Variants in LMOD1 observed in about 807,000 individuals in gnomAD.
LMOD1 encodes leiomodin-1.
In LMOD1, 8 loss-of-function variants were observed where a neutral mutation model predicts 36.5. That is an observed-to-expected ratio of 0.22 (90% CI 0.13 to 0.40). The LOEUF (loss-of-function observed/expected upper bound fraction) is 0.40. LMOD1 is among the 10% of genes least tolerant of loss of function. LMOD1 has a pLI of 1.00. For synonymous variants in LMOD1, 284 were observed against 288.7 expected (o/e 0.98, Z 0.17); for missense variants, 630 against 751.1 (o/e 0.84, Z 1.88).
At chr1:201,911,310 T>A (rs1464175917) in intron 1 of LMOD1, among the ~76,000 whole-genome samples, 3 of 152,192 alleles carry the variant, frequency 2.0e-5, no homozygotes, top group African/African-American at 7.2e-5. Flanking sequence ...AAGGTCCAGA[T>A]GGCTTTTGCT....
chr1:201,916,177 C>T (rs894097904), intron 1 of LMOD1, among the ~76,000 whole-genome samples: 14 of 152,022 alleles, frequency 9.2e-5, no homozygotes, highest in South Asian at 6.2e-4. Context: ...CTTGGCCTCT[C>T]GGAGTGCTGA....
At chr1:201,911,589 C>T (rs57504715) in intron 1 of LMOD1, among the ~76,000 whole-genome samples, 3,871 of 152,194 alleles carry the variant, frequency 0.025, 140 homozygotes, top group African/African-American at 0.088. Flanking sequence ...CCCTTGAACC[C>T]GGGAGGTGAA....
intron 1 of LMOD1, among the ~76,000 whole-genome samples, chr1:201,901,165 G>T (rs951522053): frequency 2.0e-5 from 3 of 152,056 alleles, no homozygotes; most frequent in Admixed American, 1.3e-4. Context: ...TTAAAATTTT[G>T]CATTGGTGTT....
Position 201,935,082 on chromosome 1 carries a change from T to C in LMOD1, c.261+10998A>G, listed in dbSNP as rs1323979673. 3.9e-5 allele frequency among the ~76,000 whole-genome samples: 6 copies of C among 152,092 alleles called. No homozygotes were observed. In the East Asian group the frequency reaches 5.8e-4, roughly 15 times the overall value. On this transcript the variant is annotated intron_variant, in intron 1 of 2. Transcript: ENST00000367288. ...TTCCCACTGAGCCCCAGACTTTGAG[T>C]AGGGGAGAGATGTGATCTAATTTAT...
At chr1:201,910,600 C>G (rs1443862964) in intron 1 of LMOD1, among the ~76,000 whole-genome samples, 1 of 150,638 alleles carries the variant, frequency 6.6e-6, no homozygotes, top group Non-Finnish European at 1.5e-5. Context: ...CTTTTATCAT[C>G]ATGGTCTTAA....
At chr1:201,923,534 A>C (rs909345057) in intron 1 of LMOD1, among the ~76,000 whole-genome samples, 2 of 152,102 alleles carry the variant, frequency 1.3e-5, no homozygotes, top group African/African-American at 2.4e-5. Flanking sequence ...CAGCCTGGAC[A>C]ACATAGTGAG....
rs1190908688 is a variant in LMOD1 at position 201,910,973 on chromosome 1, C to A, written c.262-10222G>T. Among the ~76,000 whole-genome samples the A allele has an allele frequency of 3.9e-5, 6 of 152,116 alleles. No individual in the cohort carries two copies. The East Asian group carries it at 1.2e-3, about 30-fold the overall frequency. ...AAGTGGGAGGACTGGAGTTCACACT[C>A]AGATCTCTTGGGTTATAGCACATAT... On this transcript the variant is annotated intron_variant, in intron 1 of 2. Transcript: ENST00000367288.
chr1:201,944,733 G>C (rs1022956549), intron 1 of LMOD1, among the ~76,000 whole-genome samples: 3 of 2,422 alleles, frequency 1.2e-3, no homozygotes, highest in Non-Finnish European at 3.8e-3. Context: ...GTGGTGGGGC[G>C]GGGGGGGGCG....
intron 1 of LMOD1, among the ~76,000 whole-genome samples, chr1:201,903,754 G>A (rs1558235347): frequency 6.6e-6 from 1 of 151,990 alleles, no homozygotes; most frequent in Non-Finnish European, 1.5e-5. Flanking sequence ...GGCCTCCAGG[G>A]CAAAGACTCC....
At chr1:201,916,762 A>C (rs926497304) in intron 1 of LMOD1, among the ~76,000 whole-genome samples, 1 of 152,114 alleles carries the variant, frequency 6.6e-6, no homozygotes, top group Non-Finnish European at 1.5e-5. Context: ...TCGCAGCCTG[A>C]CCTTCGCCTG....
chr1:201,899,120 T>C lies in LMOD1; in HGVS notation c.1776+117A>G. Reference sequence around the variant, plus strand: ...TGAAGTCCCCTATGGGCCCTGGGAGTCTATATCATCTGCAGCCGACATAAG... The same window carrying C: ...TGAAGTCCCCTATGGGCCCTGGGAGCCTATATCATCTGCAGCCGACATAAG... On this transcript the variant is annotated intron_variant, in intron 2 of 2. Transcript: ENST00000367288. The surrounding 1 kb of genome is among the most constrained non-coding windows in gnomAD (Gnocchi z 6.3). 1 of 923,782 alleles carries C rather than the reference T, an allele frequency of 1.1e-6. No individual in the cohort carries two copies. The highest frequency in any genetic ancestry group is 2.7e-5 in the East Asian group (1 of 37,572). The allele number at this position is 923,782 out of a possible 1,614,324, so 57.2% of individuals were successfully genotyped here.
At position 201,912,716 on chromosome 1, in the gene LMOD1, G is replaced by A. The variant is rs556144893; in HGVS notation, c.262-11965C>T. On this transcript the variant is annotated intron_variant, in intron 1 of 2. Transcript: ENST00000367288. ...TCTACTAAAAACACAAAAATTAGCC[G>A]GGCGTGGTGGCGGGCGCCTGTAATC... Among the ~76,000 whole-genome samples, 29 of 152,070 alleles carry A rather than the reference G, an allele frequency of 1.9e-4. 1 individual carries two copies. The highest frequency in any genetic ancestry group is 6.0e-4 in the African/African-American group (25 of 41,478).
chr1:201,911,640 G>A (rs1351396550), intron 1 of LMOD1, among the ~76,000 whole-genome samples: 1 of 152,146 alleles, frequency 6.6e-6, no homozygotes, highest in African/African-American at 2.4e-5. Context: ...ACTCTAGCCT[G>A]GGCGACGGAG....
Position 201,898,397 on chromosome 1 carries a change from A to G in LMOD1, c.1778T>C (p.Val593Ala). 6.2e-7 allele frequency: 1 copy of G among 1,612,594 alleles called. No homozygotes were observed. Among genetic ancestry groups the G allele is most frequent in the Non-Finnish European group, 8.5e-7 (1 of 1,179,392 alleles). ...RSSNLKQLKKVEVPKLLQ is the reference protein window; with the variant it reads ...RSSNLKQLKKAEVPKLLQ ...CTACTGAAGCAGTTTGGGCACTTCC[A>G]CCTGTAGGGGCAAAGTAGAGACAGG... is the stretch of plus-strand genomic sequence containing the variant. Residue 593 changes from valine (V) to alanine (A), a missense_variant and splice_region_variant, in exon 3 of 3, where the codon GTG (valine) becomes GCG (alanine). Physicochemically the swap from Val to Ala is moderately conservative, Grantham distance 64. This residue lies in a region of LMOD1 where 144 missense variants were observed against 169.8 expected (regional missense o/e 0.85). Coordinates refer to ENST00000367288, the MANE Select transcript of LMOD1 (RefSeq NM_012134.3).
In LMOD1 at chr1:201,946,524, T is replaced by C; in HGVS notation, c.-184A>G. ...GAAGTGTTCACTGGACGCAGCAGCC[T>C]CCCTGAAGCCCAGGGCTAGTGGACC... is the stretch of plus-strand genomic sequence containing the variant. On this transcript the variant is annotated 5_prime_UTR_variant, in exon 1 of 3. Transcript: ENST00000367288. 1.5e-6 allele frequency: 1 copy of C among 649,460 alleles called. No individual in the cohort carries two copies. The highest frequency in any genetic ancestry group is 2.9e-5 in the Admixed American group (1 of 33,912). 40.2% of individuals were successfully genotyped at this position (649,460 alleles called of 1,614,324 possible). A position where few individuals can be genotyped will look rare whatever the true frequency, so the allele number is the denominator to read the frequency against.
intron 1 of LMOD1, among the ~76,000 whole-genome samples, chr1:201,911,430 C>G (rs1238685851): frequency 1.3e-5 from 2 of 152,092 alleles, no homozygotes; most frequent in African/African-American, 4.8e-5. Context: ...TTTGGGAGAC[C>G]GATGTGTGCG....
At chr1:201,940,385 C>A (rs1208710381) in intron 1 of LMOD1, among the ~76,000 whole-genome samples, 1 of 151,300 alleles carries the variant, frequency 6.6e-6, no homozygotes, top group African/African-American at 2.4e-5. Flanking sequence ...TGGGGTTTTA[C>A]CATGTTGGCC....
Position 201,896,707 on chromosome 1 carries a change from C to G in LMOD1, c.*1665G>C, listed in dbSNP as rs1306320215. 1 of 456,578 alleles carries G rather than the reference C, an allele frequency of 2.2e-6. No homozygotes were observed. Among genetic ancestry groups the G allele is most frequent in the Non-Finnish European group, 4.4e-6 (1 of 226,942 alleles). 28.3% of individuals were successfully genotyped at this position (456,578 alleles called of 1,614,324 possible). A position where few individuals can be genotyped will look rare whatever the true frequency, so the allele number is the denominator to read the frequency against. ...AGCTCATACCCTTTAGGTCCAGGAG[C>G]CAGTGTGTGTCTGTCTCCTCTCCTC... On this transcript the variant is annotated 3_prime_UTR_variant, in exon 3 of 3. Transcript: ENST00000367288.
intron 1 of LMOD1, among the ~76,000 whole-genome samples, chr1:201,917,540 T>G (rs1319155596): frequency 1.3e-5 from 2 of 152,254 alleles, no homozygotes; most frequent in Non-Finnish European, 2.9e-5. Context: ...TCCATTGCTC[T>G]CAGCAGAACT....
Sources: allele counts gnomAD v4.1 joint callset (sites outside exome capture counted in the v4.1 genomes callset), GRCh38; gene constraint gnomAD v4.1.1; regional missense constraint gnomAD v4.1.1; non-coding constraint Gnocchi (gnomAD v3.1); transcripts MANE v1.5; gene names NCBI Gene and HGNC (gene_info 2026-07-23, HGNC 2026-07-21).